Variants in PPFIA2 observed in about 807,000 individuals in gnomAD.
PPFIA2 encodes the protein PPFI scaffold protein A2.
Under a neutral mutation model 175.5 loss-of-function variants are expected in PPFIA2, and 46 were observed. That is an observed-to-expected ratio of 0.26 (90% confidence interval 0.21 to 0.34). The LOEUF (loss-of-function observed/expected upper bound fraction) is 0.34. PPFIA2 is among the 10% of genes least tolerant of loss of function. PPFIA2 has a pLI of 1.00. For missense variants in PPFIA2, 1,179 were observed against 1,506.1 expected (o/e 0.78, Z 3.60); for synonymous variants, 568 against 511.4 (o/e 1.11, Z -1.49).
chr12:81,533,529 C>CTTTCACGAA (rs2064903678), intron 4 of PPFIA2, among the ~76,000 whole-genome samples: 1 of 151,454 alleles, frequency 6.6e-6, no homozygotes, highest in Non-Finnish European at 1.5e-5. Context: ...AATTTTCCAC[C>CTTTCACGAA]TTTGAAAATT....
intron 21 of PPFIA2, among the ~76,000 whole-genome samples, chr12:81,328,609 C>T (rs1210935295): frequency 6.6e-6 from 1 of 152,056 alleles, no homozygotes; most frequent in Non-Finnish European, 1.5e-5. Context: ...TATATTGTAT[C>T]AATGTTGGCC....
At chr12:81,460,348 G>T (rs2054308644) in intron 4 of PPFIA2, among the ~76,000 whole-genome samples, 1 of 152,166 alleles carries the variant, frequency 6.6e-6, no homozygotes, top group South Asian at 2.1e-4. Context: ...CACCATGATT[G>T]TGTGGCCTCC....
At chr12:81,554,021 ACTTTTTTTTGC>A (rs1567304627) in intron 4 of PPFIA2, among the ~76,000 whole-genome samples, 7 of 151,990 alleles carry the variant, frequency 4.6e-5, no homozygotes, top group Admixed American at 4.6e-4. Flanking sequence ...ATTTAATACA[ACTTTTTTTTGC>A]TAGAAATGGG....
chr12:81,344,826 A>T, intron 18 of PPFIA2, 133 bp from the exon 19 acceptor site: 1 of 656,308 alleles, frequency 1.5e-6, no homozygotes, highest in Non-Finnish European at 2.5e-6. Context: ...TTTCTAAATA[A>T]ACATATTTTA....
chr12:81,699,671 T>C (rs1041684824), intron 3 of PPFIA2, among the ~76,000 whole-genome samples: 2 of 151,990 alleles, frequency 1.3e-5, no homozygotes, highest in Admixed American at 1.3e-4. Context: ...AACCTAAATG[T>C]TTGCTTTTAG....
Position 81,353,233 on chromosome 12 carries a change from T to C in PPFIA2, c.1880A>G (p.Asp627Gly), listed in dbSNP as rs771117100. ...CATTGAGCTAAAAATTGTTTCTCTG[T>C]CATCATCATCAATATCAGACATTTC... ...DTEMSDIDDD[D>G]RETIFSSMDL... Residue 627 changes from aspartate (D) to glycine (G), a missense_variant, in exon 17 of 33, where the codon GAC becomes GGC. Transcript: ENST00000549396. 6.2e-7 allele frequency: 1 copy of C among 1,613,706 alleles called. No individual in the cohort carries two copies. Among genetic ancestry groups the C allele is most frequent in the South Asian group, 1.1e-5 (1 of 91,082 alleles).
rs1047011094 is a variant in PPFIA2, at chr12:81,360,048, A to G, written c.1638-1831T>C. Among the ~76,000 whole-genome samples the G allele has an allele frequency of 3.9e-5, 6 of 152,012 alleles. 1 individual carries two copies. In the East Asian group the frequency reaches 5.8e-4, roughly 15 times the overall value. On this transcript the variant is annotated intron_variant, in intron 15 of 32. Coordinates refer to ENST00000549396, the MANE Select transcript of PPFIA2 (RefSeq NM_003625.5). The stretch of plus-strand genomic sequence containing the variant: ...TGTTTGTTTGTGTTCTCCTGAAAAC[A>G]GTCTCAACACATGTGGTTAACAGTT...
chr12:81,610,548 T>C (rs889709475), intron 4 of PPFIA2, among the ~76,000 whole-genome samples: 1 of 152,204 alleles, frequency 6.6e-6, no homozygotes, highest in Non-Finnish European at 1.5e-5. Context: ...TACTATGAAA[T>C]TCTTGTAGTG....
At chr12:81,650,437 T>C (rs1234374519) in intron 4 of PPFIA2, among the ~76,000 whole-genome samples, 1 of 152,212 alleles carries the variant, frequency 6.6e-6, no homozygotes, top group African/African-American at 2.4e-5. Context: ...TTTTCAAAAA[T>C]AATTTGAGTA....
intron 4 of PPFIA2, among the ~76,000 whole-genome samples, chr12:81,466,782 C>T (rs1488515560): frequency 1.3e-5 from 2 of 151,494 alleles, no homozygotes; most frequent in Admixed American, 6.6e-5. Flanking sequence ...CCCACAATGG[C>T]TGTTCTGCTG....
intron 5 of PPFIA2, among the ~76,000 whole-genome samples, chr12:81,456,342 G>C (rs886205243): frequency 3.3e-5 from 5 of 152,180 alleles, no homozygotes; most frequent in African/African-American, 7.2e-5. Flanking sequence ...CCATTTGACA[G>C]GTTCATCAGA....
In PPFIA2 at chr12:81,552,294, C is replaced by A. The variant is rs572527372; in HGVS notation, c.304-94428G>T. ...CAGGAGGAGAAAGTAAGAAAACCTT[C>A]TGGTTAAGTAAATTATTTCATATTA... On this transcript the variant is annotated intron_variant, in intron 4 of 32. Coordinates refer to ENST00000549396, the MANE Select transcript of PPFIA2 (RefSeq NM_003625.5). Among the ~76,000 whole-genome samples the A allele has an allele frequency of 4.6e-5, 7 of 151,886 alleles. No homozygotes were observed. In the South Asian group the frequency reaches 1.5e-3, roughly 32 times the overall value.
At chr12:81,512,496 AT>A in intron 4 of PPFIA2, 1 of 324,840 alleles carries the variant, frequency 3.1e-6, no homozygotes, top group Non-Finnish European at 5.1e-6. Flanking sequence ...CTTAAAAATA[AT>A]TTTAGCTTTT....
chr12:81,438,218 C>G (rs1270874779), intron 7 of PPFIA2, among the ~76,000 whole-genome samples: 1 of 152,108 alleles, frequency 6.6e-6, no homozygotes, highest in Non-Finnish European at 1.5e-5. Flanking sequence ...GCGTGTAATC[C>G]CAGCACTTTG....
chr12:81,415,123 T>G (rs1484028819), intron 7 of PPFIA2, among the ~76,000 whole-genome samples: 2 of 129,746 alleles, frequency 1.5e-5, no homozygotes, highest in Non-Finnish European at 3.2e-5. Flanking sequence ...ATAATCAAAT[T>G]GCTTTGAGGT....
At chr12:81,438,208 G>A (rs984621288) in intron 7 of PPFIA2, among the ~76,000 whole-genome samples, 26 of 152,128 alleles carry the variant, frequency 1.7e-4, no homozygotes, top group Admixed American at 3.9e-4. Context: ...GGTGGCTCAC[G>A]CGTGTAATCC....
chr12:81,676,134 T>C (rs529484817), intron 4 of PPFIA2, among the ~76,000 whole-genome samples: 5 of 152,096 alleles, frequency 3.3e-5, no homozygotes, highest in African/African-American at 1.2e-4. Flanking sequence ...CAAAAATGTA[T>C]GCATTGACTA....
At chr12:81,501,130 C>T (rs2060552525) in intron 4 of PPFIA2, among the ~76,000 whole-genome samples, 2 of 152,318 alleles carry the variant, frequency 1.3e-5, no homozygotes, top group African/African-American at 2.4e-5. Flanking sequence ...TGATGTCCTA[C>T]ATGATTTGAA....
chr12:81,290,205 T>C (rs1486284863), intron 24 of PPFIA2, among the ~76,000 whole-genome samples: 1 of 151,568 alleles, frequency 6.6e-6, no homozygotes, highest in Non-Finnish European at 1.5e-5. Context: ...AAATAACTTG[T>C]ATAATCTAAA....
Sources: allele counts gnomAD v4.1 joint callset (sites outside exome capture counted in the v4.1 genomes callset), GRCh38; gene constraint gnomAD v4.1.1; transcripts MANE v1.5; gene names NCBI Gene and HGNC (gene_info 2026-07-23, HGNC 2026-07-21).